Variants in PDE10A observed in about 807,000 individuals in gnomAD.
PDE10A encodes phosphodiesterase 10A.
PDE10A carries 39 observed loss-of-function variants against 97.7 expected under a neutral mutation model. That is an observed-to-expected ratio of 0.40 (90% CI 0.31 to 0.52). PDE10A has a LOEUF of 0.52. Ranked by LOEUF, PDE10A falls within the 20% of genes least tolerant of loss-of-function variation. PDE10A has a pLI of 0.56. For missense variants in PDE10A, 731 were observed against 1,047.8 expected (o/e 0.70, Z 4.17); for synonymous variants, 371 against 376.8 (o/e 0.98, Z 0.18).
chr6:165,450,410 T>C (rs935587502), intron 3 of PDE10A, 48 bp from the exon 4 acceptor site: 1 of 1,154,242 alleles, frequency 8.7e-7, no homozygotes. Context: ...AAATAAAATA[T>C]AACAAAAATT....
chr6:165,341,994 A>T (rs1380413862), intron 19 of PDE10A, among the ~76,000 whole-genome samples: 1 of 152,216 alleles, frequency 6.6e-6, no homozygotes, highest in Non-Finnish European at 1.5e-5. Flanking sequence ...TGCCGTATGT[A>T]CTATGGTTAA....
At chr6:165,813,399 A>G (rs950854286) in intron 1 of PDE10A, among the ~76,000 whole-genome samples, 6 of 148,794 alleles carry the variant, frequency 4.0e-5, no homozygotes, top group African/African-American at 1.5e-4. Context: ...TGTTATGGAG[A>G]CATGGAGACG....
At chr6:165,849,367 C>T (rs1780508747) in intron 1 of PDE10A, among the ~76,000 whole-genome samples, 1 of 152,248 alleles carries the variant, frequency 6.6e-6, no homozygotes, top group South Asian at 2.1e-4. Context: ...CAGTGTCATC[C>T]ATCCCGCTTT....
rs910725579 is a variant in PDE10A, at chr6:165,624,900, G to A, written c.865+37047C>T. On this transcript the variant is annotated intron_variant, in intron 1 of 21. Coordinates refer to ENST00000539869, the MANE Select transcript of PDE10A (RefSeq NM_001385079.1). ...ATGCCACTTCACATGAGTTAGTCTG[G>A]GGAGACCCGTTGGTAGGGATACACT... Among the ~76,000 whole-genome samples the A allele has an allele frequency of 3.9e-5, 6 of 152,336 alleles. No homozygotes were observed. The South Asian group carries it at 1.2e-3, about 32-fold the overall frequency.
At chr6:165,639,279 G>A (rs1258286915) in intron 1 of PDE10A, among the ~76,000 whole-genome samples, 1 of 152,130 alleles carries the variant, frequency 6.6e-6, no homozygotes, top group Admixed American at 6.5e-5. Context: ...TTGACTGCAA[G>A]CGTCACATTC....
At chr6:165,690,168 T>C (rs1791233348) in intron 1 of PDE10A, among the ~76,000 whole-genome samples, 1 of 152,190 alleles carries the variant, frequency 6.6e-6, no homozygotes, top group Admixed American at 6.5e-5. Context: ...TCTTCTTCCG[T>C]GTGCCACCTC....
chr6:165,399,845 T>A (rs956228847), intron 13 of PDE10A, among the ~76,000 whole-genome samples: 1 of 152,232 alleles, frequency 6.6e-6, no homozygotes, highest in Non-Finnish European at 1.5e-5. Flanking sequence ...TGTGGCTTGG[T>A]TCCAAGTCTC....
intron 1 of PDE10A, among the ~76,000 whole-genome samples, chr6:165,854,139 G>GGCGCA (rs1295315186): frequency 2.0e-5 from 3 of 152,220 alleles, no homozygotes; most frequent in South Asian, 2.1e-4. Flanking sequence ...CCGTGCCACG[G>GGCGCA]GCGCAGCGCA....
At position 165,852,046 on chromosome 6, in the gene PDE10A, AAT is replaced by A. The variant is rs1484257737; in HGVS notation, c.-615+135481_-615+135482del. Among the ~76,000 whole-genome samples, 8 of 152,384 alleles carry A rather than the reference AAT, an allele frequency of 5.2e-5. No individual in the cohort carries two copies. In the East Asian group the frequency reaches 1.3e-3, roughly 26 times the overall value. On this transcript the variant is annotated intron_variant, in intron 1 of 19. Coordinates refer to the PDE10A transcript ENST00000366882. ...TTCCCCAAGAATCCACATTCTGCTT[AAT>A]AACAGCTGGTGCATAATCCAAGCCA...
intron 13 of PDE10A, among the ~76,000 whole-genome samples, chr6:165,399,835 T>A (rs116529938): frequency 7.9e-5 from 12 of 152,348 alleles, no homozygotes; most frequent in African/African-American, 2.9e-4. Flanking sequence ...CTGTTGGACA[T>A]GTGGCTTGGT....
chr6:165,654,424 A>G (rs1347430155), intron 1 of PDE10A, among the ~76,000 whole-genome samples: 1 of 152,000 alleles, frequency 6.6e-6, no homozygotes, highest in African/African-American at 2.4e-5. Context: ...TCCAATTGAG[A>G]GAAATGGCGG....
At chr6:165,826,985 G>A (rs1779778433) in intron 1 of PDE10A, among the ~76,000 whole-genome samples, 1 of 152,090 alleles carries the variant, frequency 6.6e-6, no homozygotes, top group African/African-American at 2.4e-5. Flanking sequence ...GGAGGGGCAC[G>A]GAGGGGACAG....
At chr6:165,367,845 G>A (rs1398459866) in intron 18 of PDE10A, among the ~76,000 whole-genome samples, 1 of 151,766 alleles carries the variant, frequency 6.6e-6, no homozygotes, top group Non-Finnish European at 1.5e-5. Flanking sequence ...ACACCTCAAA[G>A]GATCTGCTGT....
chr6:165,388,132 C>CA lies in PDE10A; in HGVS notation c.2610+165dup. ...AATTATTTGTAAAGGATTCTTTATG[C>CA]AAAAAACACTATTATTTAATGATGA... On this transcript the variant is annotated intron_variant, in intron 17 of 21. Coordinates refer to ENST00000539869, the MANE Select transcript of PDE10A (RefSeq NM_001385079.1). This position sits in a 1 kb window ranked among gnomAD's most constrained non-coding sequence, Gnocchi z 4.0. Among the ~76,000 whole-genome samples, 1 of 152,124 alleles carries CA rather than the reference C, an allele frequency of 6.6e-6. No individual in the cohort carries two copies. Among genetic ancestry groups the CA allele is most frequent in the East Asian group, 1.9e-4 (1 of 5,178 alleles).
At chr6:165,678,643 C>T (rs905417972) in intron 1 of PDE10A, among the ~76,000 whole-genome samples, 2 of 152,136 alleles carry the variant, frequency 1.3e-5, no homozygotes, top group Non-Finnish European at 2.9e-5. Context: ...GCCCGTGTCG[C>T]TGGCAGCATT....
intron 1 of PDE10A, among the ~76,000 whole-genome samples, chr6:165,740,980 TTATATCAA>T (rs1792706457): frequency 6.6e-6 from 1 of 152,120 alleles, no homozygotes; most frequent in Non-Finnish European, 1.5e-5. Context: ...ATTACAATAA[TTATATCAA>T]TAATACTAAT....
At chr6:165,346,495 C>G (rs1272096974) in intron 18 of PDE10A, among the ~76,000 whole-genome samples, 1 of 152,236 alleles carries the variant, frequency 6.6e-6, no homozygotes, top group Non-Finnish European at 1.5e-5. Flanking sequence ...GGCTCTATCA[C>G]AGGGGTGCAG....
intron 1 of PDE10A, among the ~76,000 whole-genome samples, chr6:165,591,899 C>T (rs1381996839): frequency 2.0e-5 from 3 of 152,078 alleles, no homozygotes; most frequent in Non-Finnish European, 4.4e-5. Context: ...AAACCAAATA[C>T]CCATTTTAAA....
At chr6:165,408,735 C>A (rs1341828957) in intron 13 of PDE10A, among the ~76,000 whole-genome samples, 1 of 152,054 alleles carries the variant, frequency 6.6e-6, no homozygotes, top group Non-Finnish European at 1.5e-5. Context: ...CTTCATCAGA[C>A]TGGAAGGCCA....
Sources: gnomAD v4.1 joint callset for allele counts (sites outside exome capture counted in the v4.1 genomes callset) on GRCh38, gnomAD v4.1.1 for gene constraint, Gnocchi (gnomAD v3.1) non-coding constraint, MANE v1.5 for transcripts, NCBI Gene and HGNC (gene_info 2026-07-23, HGNC 2026-07-21) for gene names.